MUC4: variants seen among roughly 807,000 people sequenced by gnomAD.
MUC4 encodes the protein mucin 4, cell surface associated.
Under a neutral mutation model 257.9 loss-of-function variants are expected in MUC4, and 202 were observed. The ratio of observed to expected loss-of-function variants is 0.78; its 90% CI spans 0.70 to 0.88. MUC4 has a LOEUF of 0.88. Among genes scored for constraint, MUC4 ranks in the 40% least tolerant of loss-of-function variants. MUC4 has a pLI of 0.00. For synonymous variants in MUC4, 2,351 were observed against 2,757.1 expected, an observed-to-expected ratio of 0.85 and a Z score of 4.62; for missense variants, 5,976 against 6,513.7, an observed-to-expected ratio of 0.92 and a Z score of 2.84.
chr3:195,778,682 C>G, intron 2 of MUC4, 108 bp downstream of exon 2: 2 of 1,348,770 alleles, frequency 1.5e-6, no homozygotes, highest in South Asian at 1.4e-5. Context: ...GGACCTGACA[C>G]GGCCCCACCA....
chr3:195,770,344 T>C lies in MUC4; in HGVS notation c.13270A>G (p.Ser4424Gly). 1 of 1,613,960 alleles carries C rather than the reference T, an allele frequency of 6.2e-7. No homozygotes were observed. ...GACTCGGCCTGCTGGACTAGCAGGC[T>C]GTGTTCACCATAGAACGTCTCGTAT... is the stretch of plus-strand genomic sequence containing the variant. ...QEYETFYGEH[S>G]LLVQQAESWI... The change falls in exon 6 of 25, where the codon AGC becomes GGC. Residue 4424 changes from serine to glycine, a missense_variant. Around this residue, in one of 44 missense-constraint regions of MUC4, gnomAD observed 996 missense variants for 1,137.3 expected, o/e 0.88. Coordinates refer to ENST00000463781, the MANE Select transcript of MUC4 (RefSeq NM_018406.7).
In MUC4 at chr3:195,779,095, G is replaced by C; in HGVS notation, c.12485C>G (p.Pro4162Arg). 17 of 1,487,302 alleles carry C rather than the reference G, an allele frequency of 1.1e-5. 4 individuals carry two copies. The highest frequency in any genetic ancestry group is 1.5e-5 in the Non-Finnish European group (17 of 1,111,762). The allele number at this position is 1,487,302 out of a possible 1,614,324, so 92.1% of individuals were successfully genotyped here. The change falls in exon 2 of 25, where the codon CCT becomes CGT. Residue 4162 changes from proline to arginine, a missense_variant. Pro to Arg is a moderately radical substitution (Grantham distance 103). Around this residue, in one of 44 missense-constraint regions of MUC4, gnomAD observed 293 missense variants for 294.5 expected, o/e 1.00. Coordinates refer to ENST00000463781, the MANE Select transcript of MUC4 (RefSeq NM_018406.7). ...GGACACTGAGGAAGCGTCGGTGACA[G>C]GAAGAGAGGTGGTGTGACCTGAGGA... ...SASSGHTTSL[P>R]VTDASSVSTG...
intron 7 of MUC4, among the ~76,000 whole-genome samples, chr3:195,767,889 C>CCAT (rs1560266256): frequency 7.0e-6 from 1 of 142,002 alleles, no homozygotes; most frequent in African/African-American, 3.0e-5. Flanking sequence ...ACCACCATCA[C>CCAT]CACCACCATC....
At position 195,788,282 on chromosome 3, in the gene MUC4, C is replaced by G. The variant is rs1172243717; in HGVS notation, c.3298G>C (p.Gly1100Arg). Residue 1100 changes from glycine to arginine, a missense_variant, in exon 2 of 25, where the codon GGT becomes CGT. Physicochemically the swap from Gly to Arg is moderately radical, Grantham distance 125 (BLOSUM62 -2). Around this residue, in one of 44 missense-constraint regions of MUC4, gnomAD observed 68 missense variants for 90.4 expected, o/e 0.75. Transcript: ENST00000463781. Reference protein sequence around the residue: ...PVTDTSSASTGHATSLPVTDT... With the variant: ...PVTDTSSASTRHATSLPVTDT... ...GTGACAGGAAGAGAGGTGGCGTGAC[C>G]TGTGGATGCTGAGGAAGTGTCAGTG... is the stretch of plus-strand genomic sequence containing the variant. 2 of 1,544,058 alleles carry G rather than the reference C, an allele frequency of 1.3e-6. No homozygotes were observed. Among genetic ancestry groups the G allele is most frequent in the African/African-American group, 2.8e-5 (2 of 71,574 alleles).
intron 7 of MUC4, among the ~76,000 whole-genome samples, chr3:195,768,004 A>G (rs1395332241): frequency 6.6e-6 from 1 of 150,912 alleles, no homozygotes; most frequent in East Asian, 1.9e-4. Flanking sequence ...GGGTCCGAGC[A>G]TGGCCCGGGA....
chr3:195,758,581 T>TTTTTTTTTTTTTTTTTTTA (rs1560234786), intron 17 of MUC4, among the ~76,000 whole-genome samples: 2 of 149,338 alleles, frequency 1.3e-5, no homozygotes, highest in African/African-American at 5.0e-5. Context: ...ATCTTTTTTT[T>TTTTTTTTTTTTTTTTTTTA]GAGACAGAGT....
chr3:195,766,029 C>T (rs775706506), intron 8 of MUC4, among the ~76,000 whole-genome samples: 18 of 152,098 alleles, frequency 1.2e-4, no homozygotes, highest in Non-Finnish European at 1.8e-4. Context: ...GGCGCGATCT[C>T]GGCTCGCTGC....
At chr3:195,778,694 G>T in intron 2 of MUC4, 96 bp downstream of exon 2, 9 of 1,396,518 alleles carry the variant, frequency 6.4e-6, no homozygotes, top group Non-Finnish European at 8.7e-6. Context: ...GCCCCACCAG[G>T]TAATGCGAAT....
chr3:195,780,296 G>A lies in MUC4; in HGVS notation c.11284C>T (p.Leu3762Phe), dbSNP rs1196311646. ...SASTGHATPL[L>F]VTDASSVSTG... ...GACACTGAGGAAGCGTCGGTGACAA[G>A]AAGAGGGGTGGCGTGACCTGTGGAT... The change falls in exon 2 of 25, where the codon CTT (leucine) becomes TTT (phenylalanine). Residue 3762 changes from leucine to phenylalanine, a missense_variant. This residue lies in a region of MUC4 where 330 missense variants were observed against 262.0 expected (regional missense o/e 1.26). Transcript: ENST00000463781. 2.0e-6 allele frequency: 3 copies of A among 1,520,452 alleles called. No individual in the cohort carries two copies. The highest frequency in any genetic ancestry group is 1.4e-5 in the African/African-American group (1 of 71,698). 94.2% of individuals were successfully genotyped at this position (1,520,452 alleles called of 1,614,324 possible).
rs114671930 is a variant in MUC4 at position 195,778,728 on chromosome 3, T to G, written c.12790+62A>C. Reference sequence around the variant, plus strand: ...ATGCACCAGTGTTCTCAGGTACTCCTTAGGCTGAATTCCGCCAAGGGGCCC... The same window carrying G: ...ATGCACCAGTGTTCTCAGGTACTCCGTAGGCTGAATTCCGCCAAGGGGCCC... On this transcript the variant is annotated intron_variant, in intron 2 of 24. Transcript: ENST00000463781. 6.7e-5 allele frequency: 100 copies of G among 1,498,940 alleles called. No individual in the cohort carries two copies. The African/African-American group carries it at 9.6e-4, about 14-fold the overall frequency. 92.9% of individuals were successfully genotyped at this position (1,498,940 alleles called of 1,614,324 possible). A position where few individuals can be genotyped will look rare whatever the true frequency, so the allele number is the denominator to read the frequency against.
Position 195,789,216 on chromosome 3 carries a change from G to T in MUC4, c.2364C>A (p.Ser788Arg), listed in dbSNP as rs151275652. 147 of 1,613,814 alleles carry T rather than the reference G, an allele frequency of 9.1e-5. No homozygotes were observed. In the East Asian group the frequency reaches 2.8e-3, roughly 30 times the overall value. Residue 788 changes from serine (S) to arginine (R), a missense_variant, in exon 2 of 25, where the codon AGC (serine) becomes AGA (arginine). Ser to Arg is a moderately radical substitution (Grantham distance 110). Around this residue, in one of 44 missense-constraint regions of MUC4, gnomAD observed 1,583 missense variants for 1,257.4 expected, o/e 1.26. Coordinates refer to ENST00000463781, the MANE Select transcript of MUC4 (RefSeq NM_018406.7). Reference sequence around the variant, plus strand: ...TTCGTGACCCTGAGGAGGCCGGTTCGCTGGTCTGTGTTTGTCCAGAGGCCT... The same window carrying T: ...TTCGTGACCCTGAGGAGGCCGGTTCTCTGGTCTGTGTTTGTCCAGAGGCCT... ...STEASGQTQT[S>R]EPASSGSRTT...
At chr3:195,748,764 A>AG (rs1715701178) in intron 24 of MUC4, 138 bp downstream of exon 24, 1 of 1,204,408 alleles carries the variant, frequency 8.3e-7, no homozygotes, top group African/African-American at 1.6e-5. Context: ...AGGCACTCAC[A>AG]ACTCTCCTTT....
Position 195,763,699 on chromosome 3 carries a change from T to A in MUC4, c.14045-58A>T, listed in dbSNP as rs1719743977. ...GACAAATCATGTGTAGGGCTGAGGTTCCTCACTGCAGTCAGGTGCGGCACT... is the reference window on the plus strand; with the variant it reads ...GACAAATCATGTGTAGGGCTGAGGTACCTCACTGCAGTCAGGTGCGGCACT... On this transcript the variant is annotated intron_variant, in intron 11 of 24. Coordinates refer to ENST00000463781, the MANE Select transcript of MUC4 (RefSeq NM_018406.7). 5.7e-6 allele frequency: 8 copies of A among 1,409,424 alleles called. No homozygotes were observed. The South Asian group carries it at 1.1e-4, about 19-fold the overall frequency. The allele number at this position is 1,409,424 out of a possible 1,614,324, so 87.3% of individuals were successfully genotyped here.
chr3:195,773,116 G>GC (rs1723472813), intron 4 of MUC4, among the ~76,000 whole-genome samples: 4 of 141,884 alleles, frequency 2.8e-5, no homozygotes, highest in South Asian at 2.3e-4. Flanking sequence ...CCATCGCTCA[G>GC]GGGTGTAGAC....
chr3:195,766,288 G>A (rs1169167102), intron 8 of MUC4, among the ~76,000 whole-genome samples: 5 of 152,132 alleles, frequency 3.3e-5, no homozygotes, highest in Admixed American at 2.6e-4. Context: ...GATCTCACCT[G>A]GGTTCTCATT....
intron 1 of MUC4, among the ~76,000 whole-genome samples, chr3:195,803,021 GT>G: frequency 6.6e-6 from 1 of 151,874 alleles, no homozygotes; most frequent in Non-Finnish European, 1.5e-5. Context: ...CTTGTCATCT[GT>G]ATACACTCCC....
Position 195,790,135 on chromosome 3 carries a change from A to G in MUC4, c.1445T>C (p.Leu482Pro). ...SPGVSQEIFT[L>P]HETTTWPSSF... ...GGAAGGCCATGTTGTTGTTTCATGT[A>G]GAGTAAATATTTCTTGAGACACACC... The change falls in exon 2 of 25, where the codon CTA becomes CCA. Residue 482 changes from leucine to proline, a missense_variant. Transcript: ENST00000463781. The G allele has an allele frequency of 1.2e-6, 2 of 1,614,046 alleles. No homozygotes were observed. Among genetic ancestry groups the G allele is most frequent in the Non-Finnish European group, 1.7e-6 (2 of 1,179,906 alleles).
chr3:195,749,113 A>T lies in MUC4; in HGVS notation c.15872-49T>A, dbSNP rs771564308. On this transcript the variant is annotated intron_variant, in intron 23 of 24. Coordinates refer to ENST00000463781, the MANE Select transcript of MUC4 (RefSeq NM_018406.7). ...CACAGAAAGCAACCGATGAACACTA[A>T]ATCAGTACCTTTTCAGCCACGAATT... 27 of 1,591,482 alleles carry T rather than the reference A, an allele frequency of 1.7e-5. No homozygotes were observed. The Admixed American group carries it at 4.7e-4, about 28-fold the overall frequency.
rs934841579 is a variant in MUC4 at position 195,809,422 on chromosome 3, G to A, written c.82+2314C>T. Among the ~76,000 whole-genome samples, 5 of 152,302 alleles carry A rather than the reference G, an allele frequency of 3.3e-5. No homozygotes were observed. The East Asian group carries it at 7.7e-4, about 24-fold the overall frequency. On this transcript the variant is annotated intron_variant, in intron 1 of 24. Coordinates refer to ENST00000463781, the MANE Select transcript of MUC4 (RefSeq NM_018406.7). Reference sequence around the variant, plus strand: ...GTCCTCCAGCAGCTGCCCTGTGGGGGTGGGGGCTGCCCACCCGCCCTTGGT... The same window carrying A: ...GTCCTCCAGCAGCTGCCCTGTGGGGATGGGGGCTGCCCACCCGCCCTTGGT...
Sources: gnomAD v4.1 joint callset for allele counts (sites outside exome capture counted in the v4.1 genomes callset) on GRCh38, gnomAD v4.1.1 for gene constraint, gnomAD v4.1.1 regional missense constraint, MANE v1.5 for transcripts, NCBI Gene and HGNC (gene_info 2026-07-23, HGNC 2026-07-21) for gene names.